DENND1A: variants seen among roughly 807,000 people sequenced by gnomAD.
DENND1A encodes the protein DENN domain-containing protein 1A.
A neutral mutation model predicts 113.7 loss-of-function variants in DENND1A; 51 were observed. The observed-to-expected ratio is 0.45, with a 90% CI of 0.36 to 0.57. The LOEUF (loss-of-function observed/expected upper bound fraction) is 0.57, where lower values mean the gene tolerates loss of function less well. DENND1A is among the 20% of genes least tolerant of loss of function. DENND1A has a pLI of 0.00. For missense variants in DENND1A, 1,258 were observed against 1,395.9 expected (o/e 0.90, Z 1.57); for synonymous variants, 565 against 570.8 (o/e 0.99, Z 0.14).
intron 10 of DENND1A, among the ~76,000 whole-genome samples, chr9:123,614,471 T>G (rs2060554310): frequency 6.6e-6 from 1 of 152,152 alleles, no homozygotes; most frequent in Non-Finnish European, 1.5e-5. Flanking sequence ...ATTACCGCAC[T>G]TTCACAATTT....
intron 1 of DENND1A, among the ~76,000 whole-genome samples, chr9:123,881,394 T>C (rs1848297686): frequency 6.6e-6 from 1 of 152,210 alleles, no homozygotes; most frequent in African/African-American, 2.4e-5. Context: ...TCATGAGTAA[T>C]AGGTAGTATA....
At chr9:123,663,962 C>A (rs2063373145) in intron 8 of DENND1A, among the ~76,000 whole-genome samples, 1 of 152,144 alleles carries the variant, frequency 6.6e-6, no homozygotes, top group African/African-American at 2.4e-5. Context: ...GGATCTAGTG[C>A]TCTGATCAGT....
intron 11 of DENND1A, 60 bp from the exon 12 acceptor site, chr9:123,583,330 C>T: frequency 7.9e-7 from 1 of 1,270,466 alleles, no homozygotes. Context: ...GACACACTTC[C>T]CCTGCCTTCT....
chr9:123,622,251 T>C (rs1354760036), intron 10 of DENND1A, among the ~76,000 whole-genome samples: 9 of 152,216 alleles, frequency 5.9e-5, no homozygotes, highest in Non-Finnish European at 1.3e-4. Flanking sequence ...GCTTTGAAAA[T>C]ATTTTATCAC....
intron 2 of DENND1A, among the ~76,000 whole-genome samples, chr9:123,807,467 T>C (rs77174281): frequency 4.1e-4 from 63 of 152,352 alleles, no homozygotes; most frequent in African/African-American, 1.5e-3. Context: ...CCTAATCATT[T>C]CTCGTCTTCG....
At chr9:123,515,789 C>A (rs906288143) in intron 13 of DENND1A, among the ~76,000 whole-genome samples, 8 of 152,226 alleles carry the variant, frequency 5.3e-5, no homozygotes, top group Non-Finnish European at 1.2e-4. Flanking sequence ...ATAGTAACAG[C>A]ACTTTGGGAG....
chr9:123,413,684 C>T, intron 19 of DENND1A: 2 of 985,490 alleles, frequency 2.0e-6, no homozygotes, highest in Non-Finnish European at 2.4e-6. Flanking sequence ...ATGCCATTAG[C>T]TGGGCGTGAG....
At chr9:123,695,845 G>C (rs112188193) in intron 5 of DENND1A, among the ~76,000 whole-genome samples, 1,976 of 152,230 alleles carry the variant, frequency 0.013, 23 homozygotes, top group Non-Finnish European at 0.019. Context: ...AAATTAAGTA[G>C]AAATGGTCAC....
intron 5 of DENND1A, among the ~76,000 whole-genome samples, chr9:123,721,139 A>G (rs193262971): frequency 6.6e-6 from 1 of 152,232 alleles, no homozygotes; most frequent in African/African-American, 2.4e-5. Context: ...TGGTTCCTCT[A>G]TGCTAGAGCC....
chr9:123,912,168 C>CA (rs1305127239), intron 1 of DENND1A, among the ~76,000 whole-genome samples: 1 of 151,940 alleles, frequency 6.6e-6, no homozygotes, highest in African/African-American at 2.4e-5. Flanking sequence ...GATATAACAG[C>CA]AAAAAATTTA....
chr9:123,923,718 ATC>A (rs1456727196), intron 1 of DENND1A, among the ~76,000 whole-genome samples: 1 of 151,920 alleles, frequency 6.6e-6, no homozygotes, highest in African/African-American at 2.4e-5. Context: ...CATTCTCCAA[ATC>A]TCCCCTTTCT....
At chr9:123,812,930 T>G (rs1836865499) in intron 2 of DENND1A, among the ~76,000 whole-genome samples, 1 of 152,258 alleles carries the variant, frequency 6.6e-6, no homozygotes, top group South Asian at 2.1e-4. Flanking sequence ...AAGAGTCAAG[T>G]CTTTTTCAAC....
At chr9:123,516,919 A>G (rs1479226892) in intron 13 of DENND1A, among the ~76,000 whole-genome samples, 1 of 133,624 alleles carries the variant, frequency 7.5e-6, no homozygotes, top group Non-Finnish European at 1.6e-5. Flanking sequence ...AAAAAAAAAA[A>G]GAACGGACAA....
intron 5 of DENND1A, among the ~76,000 whole-genome samples, chr9:123,706,943 A>C (rs1179295537): frequency 6.6e-6 from 1 of 152,176 alleles, no homozygotes; most frequent in Non-Finnish European, 1.5e-5. Flanking sequence ...GTGTTATATA[A>C]AAATGCCTAT....
At chr9:123,669,210 G>A (rs1306729354) in intron 7 of DENND1A, among the ~76,000 whole-genome samples, 1 of 151,986 alleles carries the variant, frequency 6.6e-6, no homozygotes, top group Admixed American at 6.5e-5. Flanking sequence ...AAAAAGTCCA[G>A]GATTACCATT....
chr9:123,710,560 C>CAT (rs60092060), intron 5 of DENND1A, among the ~76,000 whole-genome samples: 2,869 of 148,910 alleles, frequency 0.019, 158 homozygotes, highest in African/African-American at 0.024. Flanking sequence ...CACACACACA[C>CAT]TGGCATCATA....
At chr9:123,440,753 C>A (rs2046869987) in intron 18 of DENND1A, among the ~76,000 whole-genome samples, 2 of 152,218 alleles carry the variant, frequency 1.3e-5, no homozygotes, top group Non-Finnish European at 2.9e-5. Flanking sequence ...GTTCATCCTA[C>A]TCTCTTACAC....
intron 19 of DENND1A, chr9:123,414,545 G>A (rs1269823809): frequency 6.5e-7 from 1 of 1,549,914 alleles, no homozygotes; most frequent in East Asian, 2.4e-5. Flanking sequence ...GCAAATCTGA[G>A]AAATGCTGTC....
At chr9:123,756,731 T>G (rs1430921373) in intron 5 of DENND1A, among the ~76,000 whole-genome samples, 1 of 152,108 alleles carries the variant, frequency 6.6e-6, no homozygotes, top group African/African-American at 2.4e-5. Context: ...TGAGGGTGTG[T>G]GGGTTTGGGG....
Sources: allele counts gnomAD v4.1 joint callset (sites outside exome capture counted in the v4.1 genomes callset), GRCh38; gene constraint gnomAD v4.1.1; transcripts MANE v1.5; gene names NCBI Gene and HGNC (gene_info 2026-07-23, HGNC 2026-07-21).